The following STXBP5L variants were observed in gnomAD, a reference collection of about 807,000 sequenced individuals.
STXBP5L encodes the protein syntaxin binding protein 5L, also known as syntaxin-binding protein 5-like.
In STXBP5L, 65 loss-of-function variants were observed where a neutral mutation model predicts 144.5. The observed-to-expected ratio is 0.45, with a 90% CI of 0.37 to 0.55. STXBP5L has a LOEUF of 0.55. Ranked by LOEUF, STXBP5L falls within the 20% of genes least tolerant of loss-of-function variation. STXBP5L has a pLI of 0.00. For synonymous variants in STXBP5L, 505 were observed against 469.6 expected (o/e 1.08, Z -0.97); for missense variants, 1,298 against 1,405.5 (o/e 0.92, Z 1.22).
At chr3:120,986,201 A>T (rs1310142864) in intron 3 of STXBP5L, among the ~76,000 whole-genome samples, 1 of 151,822 alleles carries the variant, frequency 6.6e-6, no homozygotes, top group African/African-American at 2.4e-5. Flanking sequence ...TGACTATTGC[A>T]GTTTTACATC....
chr3:121,029,238 A>T (rs960818749), intron 3 of STXBP5L, among the ~76,000 whole-genome samples: 13 of 152,312 alleles, frequency 8.5e-5, no homozygotes, highest in African/African-American at 3.1e-4. Flanking sequence ...CCTAAGCAAA[A>T]AGAACAAAGC....
At chr3:121,113,666 C>CTTTTTTTTTTTTTTTTTTTTTACTCTTTT (rs1273804231) in intron 5 of STXBP5L, among the ~76,000 whole-genome samples, 1 of 132,902 alleles carries the variant, frequency 7.5e-6, no homozygotes, top group African/African-American at 2.8e-5. Context: ...ATTCTTTTTT[C>CTTTTTTTTTTTTTTTTTTTTTACTCTTTT]TTTTTCTTTT....
chr3:121,068,937 T>C (rs1277001648), intron 5 of STXBP5L, among the ~76,000 whole-genome samples: 1 of 152,198 alleles, frequency 6.6e-6, no homozygotes, highest in Non-Finnish European at 1.5e-5. Context: ...TTGTAGGAAG[T>C]TGCAAAACTA....
intron 19 of STXBP5L, chr3:121,282,337 A>T: frequency 6.2e-7 from 1 of 1,610,976 alleles, no homozygotes; most frequent in Non-Finnish European, 8.5e-7. Flanking sequence ...TTCCTATCAG[A>T]GTAAGTTATA....
At chr3:121,063,666 C>T (rs934637423) in intron 5 of STXBP5L, among the ~76,000 whole-genome samples, 7 of 152,152 alleles carry the variant, frequency 4.6e-5, no homozygotes, top group Non-Finnish European at 1.0e-4. Context: ...GGGGCTGCTG[C>T]CTTTCTTTCA....
At chr3:121,409,735 T>C (rs531025894) in intron 23 of STXBP5L, among the ~76,000 whole-genome samples, 10 of 151,998 alleles carry the variant, frequency 6.6e-5, no homozygotes, top group Admixed American at 1.3e-4. Context: ...GCCACACCCA[T>C]GTTTCTGTAT....
At chr3:120,998,110 T>G (rs1312983080) in intron 3 of STXBP5L, among the ~76,000 whole-genome samples, 1 of 152,016 alleles carries the variant, frequency 6.6e-6, no homozygotes, top group African/African-American at 2.4e-5. Flanking sequence ...TCTATGAAAA[T>G]CCCACAGCCA....
rs149211731 is a variant in STXBP5L, at chr3:121,034,580, CTATG to C, written c.288-7116_288-7113del. On this transcript the variant is annotated intron_variant, in intron 3 of 26. Transcript: ENST00000471454. ...TCCATCCATCCATCCATCCATCTATCTATGTATCTATCTAGCTCACATTTTCTTT... is the reference window on the plus strand; with the variant it reads ...TCCATCCATCCATCCATCCATCTATCTATCTATCTAGCTCACATTTTCTTT... Among the ~76,000 whole-genome samples, 580 of 151,862 alleles carry C rather than the reference CTATG, an allele frequency of 3.8e-3. 1 individual carries two copies. Among genetic ancestry groups the C allele is most frequent in the Middle Eastern group, 0.014 (4 of 294 alleles).
rs527262411 is a variant in STXBP5L, at chr3:121,105,740, A to G, written c.471-9185A>G. Among the ~76,000 whole-genome samples, 4 of 152,310 alleles carry G rather than the reference A, an allele frequency of 2.6e-5. No individual in the cohort carries two copies. The East Asian group carries it at 7.7e-4, about 29-fold the overall frequency. ...ACTAAGTATGGACACATGAAACTCA[A>G]TAGAACCTGTGCAGTTAGAACCATA... On this transcript the variant is annotated intron_variant, in intron 5 of 26. Coordinates refer to ENST00000471454, the MANE Select transcript of STXBP5L (RefSeq NM_001308330.2).
chr3:121,413,385 G>T, intron 24 of STXBP5L, 62 bp downstream of exon 24: 1 of 1,385,114 alleles, frequency 7.2e-7, no homozygotes. Flanking sequence ...TGAGAAAGAT[G>T]TCTAAAAACA....
chr3:121,325,773 A>T (rs1339420489), intron 20 of STXBP5L, among the ~76,000 whole-genome samples: 1 of 151,958 alleles, frequency 6.6e-6, no homozygotes, highest in Non-Finnish European at 1.5e-5. Flanking sequence ...TTTAAAGCAA[A>T]CAAGGTATTT....
Position 121,420,141 on chromosome 3 carries a change from T to C in STXBP5L, c.*1044T>C, listed in dbSNP as rs1227863950. 1 of 152,192 alleles carries C rather than the reference T, an allele frequency of 6.6e-6. No individual in the cohort carries two copies. Among genetic ancestry groups the C allele is most frequent in the Non-Finnish European group, 1.5e-5 (1 of 68,026 alleles). 9.4% of individuals were successfully genotyped at this position (152,192 alleles called of 1,614,324 possible). ...GCCTGACATTCACAAACCAAACTGGTCATTCTCTTTAGTGTGATTCAGTAA... is the reference window on the plus strand; with the variant it reads ...GCCTGACATTCACAAACCAAACTGGCCATTCTCTTTAGTGTGATTCAGTAA... On this transcript the variant is annotated 3_prime_UTR_variant, in exon 27 of 27. Coordinates refer to ENST00000471454, the MANE Select transcript of STXBP5L (RefSeq NM_001308330.2).
chr3:121,030,657 A>G (rs1240466530), intron 3 of STXBP5L, among the ~76,000 whole-genome samples: 1 of 152,106 alleles, frequency 6.6e-6, no homozygotes, highest in African/African-American at 2.4e-5. Flanking sequence ...CTGCACCTGT[A>G]TCCCAGTACT....
At chr3:120,974,463 T>C (rs1028098645) in intron 3 of STXBP5L, among the ~76,000 whole-genome samples, 1 of 148,888 alleles carries the variant, frequency 6.7e-6, no homozygotes, top group Non-Finnish European at 1.5e-5. Context: ...GATGAGTAGG[T>C]TGCAAAAATA....
At chr3:121,193,980 T>C (rs948916171) in intron 9 of STXBP5L, among the ~76,000 whole-genome samples, 1 of 151,720 alleles carries the variant, frequency 6.6e-6, no homozygotes, top group Non-Finnish European at 1.5e-5. Flanking sequence ...ATAATAATAA[T>C]AATAATAATA....
At chr3:121,180,815 G>GTGA (rs1458442105) in intron 9 of STXBP5L, among the ~76,000 whole-genome samples, 1 of 152,212 alleles carries the variant, frequency 6.6e-6, no homozygotes, top group East Asian at 1.9e-4. Flanking sequence ...TGCGGTTGCA[G>GTGA]TGAGCCAAAA....
chr3:121,392,780 T>TGC (rs1348176968), intron 22 of STXBP5L, among the ~76,000 whole-genome samples: 13 of 78,854 alleles, frequency 1.6e-4, no homozygotes, highest in Non-Finnish European at 3.8e-4. Context: ...CATATATATA[T>TGC]ATATATATAT....
chr3:121,413,942 A>C (rs2047177100), intron 24 of STXBP5L, among the ~76,000 whole-genome samples: 1 of 152,198 alleles, frequency 6.6e-6, no homozygotes. Context: ...ATAAGCTCTG[A>C]ACTATTCGAG....
At chr3:121,041,474 C>T (rs1484209501) in intron 3 of STXBP5L, among the ~76,000 whole-genome samples, 2 of 151,940 alleles carry the variant, frequency 1.3e-5, no homozygotes, top group African/African-American at 2.4e-5. Flanking sequence ...AAAAAGCTGC[C>T]ATCTTTCAAA....
Sources: allele counts gnomAD v4.1 joint callset (sites outside exome capture counted in the v4.1 genomes callset), GRCh38; gene constraint gnomAD v4.1.1; transcripts MANE v1.5; gene names NCBI Gene and HGNC (gene_info 2026-07-23, HGNC 2026-07-21).